SLC25A28: variants seen among roughly 807,000 people sequenced by gnomAD.
SLC25A28 encodes solute carrier family 25 member 28.
A neutral mutation model predicts 31.9 loss-of-function variants in SLC25A28; 10 were observed. That is an observed-to-expected ratio of 0.31 (90% CI 0.19 to 0.53). SLC25A28 has a LOEUF of 0.53. Among genes scored for constraint, SLC25A28 ranks in the 20% least tolerant of loss-of-function variants. The probability of loss-of-function intolerance (pLI) is 0.95; values close to 1 mark genes in which losing one functional copy is unlikely to be tolerated. For missense variants in SLC25A28, 256 were observed against 490.3 expected (o/e 0.52, Z 4.51); for synonymous variants, 208 against 203.6 (o/e 1.02, Z -0.19).
chr10:99,631,245 A>T, the SLC25A28 span, among the ~76,000 whole-genome samples: 2 of 152,180 alleles, frequency 1.3e-5, no homozygotes. Flanking sequence ...TCAATTTTGC[A>T]TTTTGAAAAG....
At chr10:99,633,171 G>A in the SLC25A28 span, among the ~76,000 whole-genome samples, 1 of 151,944 alleles carries the variant, frequency 6.6e-6, no homozygotes, top group African/African-American at 2.4e-5. Flanking sequence ...AACCCCATAA[G>A]CCTTGAATCC....
At chr10:99,630,123 A>T in the SLC25A28 span, among the ~76,000 whole-genome samples, 13 of 152,044 alleles carry the variant, frequency 8.6e-5, no homozygotes, top group African/African-American at 3.1e-4. Context: ...GGGAGCTTGG[A>T]TGCAAACTTT....
At chr10:99,652,382 G>C in the SLC25A28 span, among the ~76,000 whole-genome samples, 1 of 152,326 alleles carries the variant, frequency 6.6e-6, no homozygotes, top group Middle Eastern at 3.4e-3. Flanking sequence ...GAACACAGAG[G>C]AAAGTGGTTG....
chr10:99,617,476 T>A, intron 1 of SLC25A28: 1 of 980,180 alleles, frequency 1.0e-6, no homozygotes, highest in Non-Finnish European at 1.2e-6. Context: ...GATATCTGCC[T>A]CCAGTCTTAA....
At chr10:99,616,041 G>A in intron 1 of SLC25A28, 13 of 985,422 alleles carry the variant, frequency 1.3e-5, no homozygotes, top group Non-Finnish European at 1.4e-5. Context: ...CTGGGCATAA[G>A]CTATGCCAAA....
the SLC25A28 span, among the ~76,000 whole-genome samples, chr10:99,651,412 G>C: frequency 6.6e-6 from 1 of 152,030 alleles, no homozygotes; most frequent in South Asian, 2.1e-4. Flanking sequence ...CACCTGGGTT[G>C]TTTGCTTTCT....
At chr10:99,616,386 ATAT>A (rs1175092683) in intron 1 of SLC25A28, 3 of 863,972 alleles carry the variant, frequency 3.5e-6, no homozygotes, top group African/African-American at 1.8e-5. Context: ...AAGAGATAAG[ATAT>A]GTAAAAGCCA....
the SLC25A28 span, among the ~76,000 whole-genome samples, chr10:99,645,796 G>T: frequency 8.5e-5 from 13 of 152,350 alleles, no homozygotes; most frequent in Middle Eastern, 3.4e-3. Context: ...ACCTTCAGCT[G>T]TGGGTTTGTT....
chr10:99,653,823 AC>A, the SLC25A28 span: 6 of 152,132 alleles, frequency 3.9e-5, no homozygotes, highest in Admixed American at 2.0e-4. Flanking sequence ...GACCAAACAT[AC>A]CTGTTAAGGT....
intron 1 of SLC25A28, chr10:99,615,886 T>C: frequency 1.5e-5 from 15 of 985,480 alleles, no homozygotes; most frequent in East Asian, 1.1e-4. Flanking sequence ...CTACCAATTC[T>C]GAACGGTTTG....
At chr10:99,630,029 A>C in the SLC25A28 span, among the ~76,000 whole-genome samples, 1 of 152,186 alleles carries the variant, frequency 6.6e-6, no homozygotes, top group African/African-American at 2.4e-5. Context: ...AGGGAAAAAA[A>C]GGGTAGTGAG....
chr10:99,637,691 G>T, the SLC25A28 span, among the ~76,000 whole-genome samples: 5 of 151,638 alleles, frequency 3.3e-5, no homozygotes, highest in African/African-American at 1.2e-4. Flanking sequence ...TACAGTTGCT[G>T]CAAAAACAAA....
the SLC25A28 span, among the ~76,000 whole-genome samples, chr10:99,630,993 G>A: frequency 6.6e-6 from 1 of 152,116 alleles, no homozygotes; most frequent in South Asian, 2.1e-4. Flanking sequence ...GAGTAAGGGA[G>A]GTAGTGGAAG....
upstream of SLC25A28, chr10:99,620,835 C>A (rs1370119883): frequency 1.0e-6 from 1 of 985,468 alleles, no homozygotes; most frequent in Admixed American, 6.1e-5. Context: ...GGGCCGACTT[C>A]GGGCCCCTCA....
the SLC25A28 span, among the ~76,000 whole-genome samples, chr10:99,641,793 A>C: frequency 0.01 from 1,589 of 152,318 alleles, 27 homozygotes; most frequent in African/African-American, 0.036. Flanking sequence ...ATGGCTAGCC[A>C]GTTTTCCCAG....
the SLC25A28 span, among the ~76,000 whole-genome samples, chr10:99,656,196 G>T: frequency 6.6e-6 from 1 of 152,174 alleles, no homozygotes. Flanking sequence ...GAAGTAGCAT[G>T]ATGAGGTTTC....
the SLC25A28 span, among the ~76,000 whole-genome samples, chr10:99,654,163 G>A: frequency 6.6e-6 from 1 of 152,168 alleles, no homozygotes; most frequent in Non-Finnish European, 1.5e-5. Context: ...CTATTAGTGA[G>A]CTTGGAAGCT....
chr10:99,648,791 A>C, the SLC25A28 span, among the ~76,000 whole-genome samples: 6 of 150,710 alleles, frequency 4.0e-5, no homozygotes, highest in Non-Finnish European at 8.8e-5. Context: ...ATTTCTGTAC[A>C]TTAATTTTGT....
the SLC25A28 span, chr10:99,651,943 A>G: frequency 6.6e-6 from 1 of 152,074 alleles, no homozygotes; most frequent in Non-Finnish European, 1.5e-5. Context: ...GTGAGTGTGT[A>G]TCTTGCTTTT....
Sources: allele counts gnomAD v4.1 joint callset (sites outside exome capture counted in the v4.1 genomes callset), GRCh38; gene constraint gnomAD v4.1.1; transcripts MANE v1.5; gene names NCBI Gene and HGNC (gene_info 2026-07-23, HGNC 2026-07-21).